NPAT: variants seen among roughly 807,000 people sequenced by gnomAD.
NPAT encodes the protein protein NPAT.
In NPAT, 52 loss-of-function variants were observed where a neutral mutation model predicts 130.7. That is an observed-to-expected ratio of 0.40 (90% CI 0.32 to 0.50). The LOEUF (loss-of-function observed/expected upper bound fraction) is 0.50. Ranked by LOEUF, NPAT falls within the 20% of genes least tolerant of loss-of-function variation. The pLI is 0.68. For missense variants in NPAT, 1,687 were observed against 1,662.6 expected (o/e 1.01, Z -0.26); for synonymous variants, 580 against 584.8 (o/e 0.99, Z 0.12).
chr11:108,194,109 G>T, intron 2 of NPAT, 92 bp from the exon 3 acceptor site: 4 of 742,176 alleles, frequency 5.4e-6, no homozygotes, highest in Non-Finnish European at 9.5e-6. Context: ...CTTAATAAAA[G>T]ATCTGACTGC....
Sources: allele counts gnomAD v4.1 joint callset, GRCh38; gene constraint gnomAD v4.1.1; transcripts MANE v1.5; gene names NCBI Gene and HGNC (gene_info 2026-07-23, HGNC 2026-07-21).